Variants in EFCAB5 observed in about 807,000 individuals in gnomAD.
EFCAB5 encodes EF-hand calcium-binding domain-containing protein 5.
In EFCAB5, 131 loss-of-function variants were observed where a neutral mutation model predicts 167.9. The ratio of observed to expected loss-of-function variants is 0.78; its 90% confidence interval spans 0.68 to 0.90. EFCAB5 has a LOEUF of 0.90. Ranked by LOEUF, EFCAB5 falls within the 40% of genes least tolerant of loss-of-function variation. The pLI, the probability that EFCAB5 is intolerant of heterozygous loss-of-function variation, is 0.00. For synonymous variants in EFCAB5, 574 were observed against 602.8 expected (o/e 0.95, Z 0.70); for missense variants, 1,663 against 1,745.2 (o/e 0.95, Z 0.84).
At chr17:29,945,612 C>CTA (rs2067382260) in intron 3 of EFCAB5, among the ~76,000 whole-genome samples, 1 of 151,902 alleles carries the variant, frequency 6.6e-6, no homozygotes, top group African/African-American at 2.4e-5. Context: ...TACTACAAGG[C>CTA]TATAGTTCCT....
At chr17:30,101,583 C>T (rs183446247) in intron 22 of EFCAB5, among the ~76,000 whole-genome samples, 194 of 152,158 alleles carry the variant, frequency 1.3e-3, no homozygotes, top group African/African-American at 4.5e-3. Context: ...CTGGAGTTTT[C>T]GAGAAAGGTC....
chr17:29,987,707 G>A (rs2068318395), intron 4 of EFCAB5, among the ~76,000 whole-genome samples: 1 of 152,168 alleles, frequency 6.6e-6, no homozygotes, highest in Non-Finnish European at 1.5e-5. Flanking sequence ...ATTATATGGG[G>A]TATCAGTAAT....
intron 14 of EFCAB5, among the ~76,000 whole-genome samples, chr17:30,060,237 T>TA (rs11376430): frequency 0.26 from 39,724 of 151,640 alleles, 6,522 homozygotes; most frequent in Non-Finnish European, 0.36. Flanking sequence ...AAAAAAAATT[T>TA]AAAAAAAAGG....
chr17:30,083,338 C>T (rs1241757752), intron 18 of EFCAB5, among the ~76,000 whole-genome samples: 1 of 152,210 alleles, frequency 6.6e-6, no homozygotes, highest in Non-Finnish European at 1.5e-5. Context: ...GTTCATCTCT[C>T]CACTTCTCAT....
At chr17:29,965,982 T>A (rs1160471079) in intron 3 of EFCAB5, among the ~76,000 whole-genome samples, 1 of 152,162 alleles carries the variant, frequency 6.6e-6, no homozygotes, top group African/African-American at 2.4e-5. Flanking sequence ...TAATTGGTAG[T>A]TCCAAGGAAA....
chr17:30,051,321 C>A, intron 9 of EFCAB5, 104 bp downstream of exon 9: 1 of 905,500 alleles, frequency 1.1e-6, no homozygotes, highest in Non-Finnish European at 1.7e-6. Flanking sequence ...ATTCTACCAC[C>A]ATGGAATCCC....
intron 7 of EFCAB5, among the ~76,000 whole-genome samples, chr17:30,027,764 A>G (rs922154268): frequency 2.6e-5 from 4 of 152,108 alleles, no homozygotes; most frequent in Non-Finnish European, 5.9e-5. Context: ...TTACTTGGCT[A>G]TACTTACATG....
chr17:30,026,029 G>A (rs1294900935), intron 7 of EFCAB5, among the ~76,000 whole-genome samples: 3 of 151,824 alleles, frequency 2.0e-5, no homozygotes, highest in African/African-American at 2.4e-5. Flanking sequence ...TGGGGTGGGC[G>A]GAGGGGGGAG....
chr17:29,993,774 T>C (rs1179439409), intron 5 of EFCAB5, among the ~76,000 whole-genome samples: 6 of 152,054 alleles, frequency 3.9e-5, no homozygotes, highest in African/African-American at 1.4e-4. Context: ...AAGTGAATGA[T>C]TAAAAATAGA....
intron 8 of EFCAB5, among the ~76,000 whole-genome samples, chr17:30,041,199 G>A (rs1396889873): frequency 2.7e-5 from 4 of 148,520 alleles, no homozygotes; most frequent in Admixed American, 6.7e-5. Context: ...AGGAAGGAAG[G>A]AAGAAAGGAA....
In EFCAB5 at chr17:30,053,916, A is replaced by G. The variant is rs150625033; in HGVS notation, c.1962A>G (p.Gly654=). ...IEEPYQKSEQ[G]PYGEIISEEQ... is the part of the protein sequence containing the mutation. ...AACCATACCAAAAATCAGAACAAGG[A>G]CCTTATGGAGAGATAATTTCAGAAG... Residue 654 remains glycine, a synonymous_variant, in exon 10 of 23, where the codon GGA becomes GGG. Transcript: ENST00000394835. 4.1e-4 allele frequency: 668 copies of G among 1,614,020 alleles called. 3 individuals carry two copies. In the African/African-American group the frequency reaches 6.8e-3, roughly 16 times the overall value.
intron 8 of EFCAB5, among the ~76,000 whole-genome samples, chr17:30,047,571 C>G (rs1171204864): frequency 2.6e-5 from 4 of 152,088 alleles, no homozygotes; most frequent in Non-Finnish European, 5.9e-5. Flanking sequence ...CTCAAAGATC[C>G]AAGGCCATAT....
At chr17:30,090,968 A>T (rs2151848100) in intron 20 of EFCAB5, among the ~76,000 whole-genome samples, 1 of 152,264 alleles carries the variant, frequency 6.6e-6, no homozygotes, top group African/African-American at 2.4e-5. Flanking sequence ...TGTGCTTCAG[A>T]TATTATTTCA....
chr17:30,020,489 C>T (rs2069151568), intron 7 of EFCAB5, among the ~76,000 whole-genome samples: 1 of 151,766 alleles, frequency 6.6e-6, no homozygotes, highest in Non-Finnish European at 1.5e-5. Flanking sequence ...CTCAGCCTCC[C>T]GAGTAGCTGG....
At chr17:29,991,013 C>T (rs1236712912) in intron 4 of EFCAB5, among the ~76,000 whole-genome samples, 1 of 152,196 alleles carries the variant, frequency 6.6e-6, no homozygotes, top group Non-Finnish European at 1.5e-5. Context: ...TGCTCTGTCA[C>T]CTCTTCGGTT....
intron 18 of EFCAB5, 134 bp downstream of exon 18, chr17:30,083,177 T>C: frequency 1.6e-6 from 2 of 1,237,414 alleles, no homozygotes; most frequent in Non-Finnish European, 1.1e-6. Flanking sequence ...ACAAGACCCT[T>C]GGTTGTGAGT....
At chr17:30,023,976 C>T (rs191051390) in intron 7 of EFCAB5, among the ~76,000 whole-genome samples, 21 of 152,254 alleles carry the variant, frequency 1.4e-4, no homozygotes, top group African/African-American at 5.1e-4. Flanking sequence ...TGACAAAATT[C>T]AACAACCCTT....
At chr17:30,039,639 C>T (rs1323616790) in intron 8 of EFCAB5, among the ~76,000 whole-genome samples, 1 of 152,150 alleles carries the variant, frequency 6.6e-6, no homozygotes, top group African/African-American at 2.4e-5. Flanking sequence ...GCTGGACCTC[C>T]GAGGAGGGAT....
intron 14 of EFCAB5, among the ~76,000 whole-genome samples, chr17:30,064,251 T>A (rs2070501701): frequency 1.3e-5 from 2 of 152,088 alleles, no homozygotes; most frequent in South Asian, 4.1e-4. Flanking sequence ...AAAATTCAGA[T>A]TGACAGTTCA....
Sources: allele counts gnomAD v4.1 joint callset (sites outside exome capture counted in the v4.1 genomes callset), GRCh38; gene constraint gnomAD v4.1.1; transcripts MANE v1.5; gene names NCBI Gene and HGNC (gene_info 2026-07-23, HGNC 2026-07-21).